PLCL2: variants seen among roughly 807,000 people sequenced by gnomAD.
The protein encoded by PLCL2 is inactive phospholipase C-like protein 2.
PLCL2 carries 4 observed loss-of-function variants against 79.6 expected under a neutral mutation model. That is an observed-to-expected ratio of 0.05 (90% CI 0.02 to 0.11). PLCL2 has a LOEUF of 0.11. Among genes scored for constraint, PLCL2 ranks in the 10% least tolerant of loss-of-function variants. The probability of loss-of-function intolerance (pLI) is 1.00; values close to 1 mark genes in which losing one functional copy is unlikely to be tolerated. For missense variants in PLCL2, 895 were observed against 1,291.0 expected (o/e 0.69, Z 4.70); for synonymous variants, 484 against 457.7 (o/e 1.06, Z -0.73).
In PLCL2 at chr3:17,042,950, G is replaced by A; in HGVS notation, c.3094+1G>A. The A allele has an allele frequency of 6.3e-7, 1 of 1,598,440 alleles. No individual in the cohort carries two copies. The highest frequency in any genetic ancestry group is 8.6e-7 in the Non-Finnish European group (1 of 1,165,904). On this transcript the variant is annotated splice_donor_variant, in intron 4 of 5. Coordinates refer to ENST00000615277, the MANE Select transcript of PLCL2 (RefSeq NM_001144382.2). LOFTEE classifies it high-confidence loss of function. Reference sequence around the variant, plus strand: ...AAGATCGTACATTGTCAGAAGGCAGGTAAGTGAAAGTTTGTTTCCTCTCTT... The same window carrying A: ...AAGATCGTACATTGTCAGAAGGCAGATAAGTGAAAGTTTGTTTCCTCTCTT...
chr3:16,943,698 G>C (rs1464915999), intron 1 of PLCL2, among the ~76,000 whole-genome samples: 2 of 152,122 alleles, frequency 1.3e-5, no homozygotes, highest in Non-Finnish European at 2.9e-5. Flanking sequence ...AAATATAACA[G>C]ATATCCATCC....
intron 5 of PLCL2, among the ~76,000 whole-genome samples, chr3:17,078,024 C>T (rs555539600): frequency 6.6e-6 from 1 of 152,190 alleles, no homozygotes; most frequent in South Asian, 2.1e-4. Flanking sequence ...TTTACCATAT[C>T]CTCTAAGCAT....
At chr3:17,069,258 A>G (rs1360670166) in intron 5 of PLCL2, among the ~76,000 whole-genome samples, 1 of 152,186 alleles carries the variant, frequency 6.6e-6, no homozygotes, top group Non-Finnish European at 1.5e-5. Flanking sequence ...GTGCTCAGAA[A>G]TGGGATAGTA....
chr3:17,017,726 A>G (rs905460965), intron 3 of PLCL2, among the ~76,000 whole-genome samples: 10 of 152,328 alleles, frequency 6.6e-5, no homozygotes, highest in African/African-American at 2.4e-4. Flanking sequence ...CTACATGCCT[A>G]AAGTGTGTCT....
chr3:17,021,985 T>C (rs2064460282), intron 3 of PLCL2, among the ~76,000 whole-genome samples: 1 of 152,080 alleles, frequency 6.6e-6, no homozygotes, highest in Non-Finnish European at 1.5e-5. Context: ...AGTTCCTGGG[T>C]AGATTTCATT....
At chr3:16,971,856 T>G (rs946236143) in intron 1 of PLCL2, among the ~76,000 whole-genome samples, 11 of 152,326 alleles carry the variant, frequency 7.2e-5, no homozygotes, top group African/African-American at 2.2e-4. Flanking sequence ...TGTTTGTCTG[T>G]TATTGGTGTA....
intron 3 of PLCL2, among the ~76,000 whole-genome samples, chr3:17,036,403 C>T (rs1239518942): frequency 3.3e-5 from 5 of 152,152 alleles, no homozygotes; most frequent in Admixed American, 6.6e-5. Flanking sequence ...TTTTTCTGTA[C>T]TTGGAAGCTT....
chr3:16,912,588 C>G (rs1267728702), intron 1 of PLCL2, among the ~76,000 whole-genome samples: 1 of 152,192 alleles, frequency 6.6e-6, no homozygotes, highest in Non-Finnish European at 1.5e-5. Context: ...GGAACTGAGA[C>G]TGATTCAGTT....
At chr3:17,002,784 G>A (rs971204090) in intron 1 of PLCL2, among the ~76,000 whole-genome samples, 9 of 151,976 alleles carry the variant, frequency 5.9e-5, no homozygotes, top group Admixed American at 2.6e-4. Context: ...AAAAAAATAT[G>A]TATATACTCT....
chr3:16,895,778 A>G (rs2124917063), intron 1 of PLCL2, among the ~76,000 whole-genome samples: 1 of 152,328 alleles, frequency 6.6e-6, no homozygotes, highest in Middle Eastern at 3.4e-3. Context: ...GAAAGAACAG[A>G]AACAGCAGAT....
Position 16,941,554 on chromosome 3 carries a change from G to A in PLCL2, c.327+56188G>A, listed in dbSNP as rs116385858. On this transcript the variant is annotated intron_variant, in intron 1 of 5. Transcript: ENST00000615277. ...GCTGTGAAAATATCCATGCCAGTAAGACAAATGAGTATACTGCATGCTTTT... is the reference window on the plus strand; with the variant it reads ...GCTGTGAAAATATCCATGCCAGTAAAACAAATGAGTATACTGCATGCTTTT... Among the ~76,000 whole-genome samples the A allele has an allele frequency of 3.7e-3, 556 of 152,280 alleles. 4 individuals are homozygous for A. Among genetic ancestry groups the A allele is most frequent in the Non-Finnish European group, 6.2e-3 (423 of 68,014 alleles).
At chr3:16,917,912 A>G (rs1238224100) in intron 1 of PLCL2, among the ~76,000 whole-genome samples, 1 of 152,150 alleles carries the variant, frequency 6.6e-6, no homozygotes, top group Non-Finnish European at 1.5e-5. Flanking sequence ...GCAAAAGGGA[A>G]ACTCAGTCAT....
At chr3:17,049,217 TTAAAG>T (rs751250893) in intron 4 of PLCL2, among the ~76,000 whole-genome samples, 1 of 152,106 alleles carries the variant, frequency 6.6e-6, no homozygotes. Context: ...ATATGACAAT[TTAAAG>T]TAAAGGATCC....
At chr3:17,087,708 T>C (rs995055590) in intron 5 of PLCL2, among the ~76,000 whole-genome samples, 3 of 152,090 alleles carry the variant, frequency 2.0e-5, no homozygotes, top group Non-Finnish European at 4.4e-5. Flanking sequence ...ACCACTGTGG[T>C]GCGGGATGTG....
chr3:16,986,096 T>C (rs1312279069), intron 1 of PLCL2, among the ~76,000 whole-genome samples: 1 of 151,836 alleles, frequency 6.6e-6, no homozygotes, highest in East Asian at 1.9e-4. Context: ...CACAAGGAGC[T>C]GTAGGGGGAA....
chr3:17,068,147 C>T, intron 5 of PLCL2, 82 bp downstream of exon 5: 1 of 764,722 alleles, frequency 1.3e-6, no homozygotes, highest in Middle Eastern at 2.4e-4. Flanking sequence ...ACATTTCCTG[C>T]ATTGTACATG....
intron 1 of PLCL2, among the ~76,000 whole-genome samples, chr3:16,986,792 G>A (rs554043391): frequency 6.6e-6 from 1 of 152,110 alleles, no homozygotes; most frequent in Admixed American, 6.5e-5. Flanking sequence ...CCTAACAATT[G>A]ACCAAAAAGA....
chr3:17,030,608 G>A (rs1242160010), intron 3 of PLCL2, among the ~76,000 whole-genome samples: 1 of 152,194 alleles, frequency 6.6e-6, no homozygotes, highest in African/African-American at 2.4e-5. Flanking sequence ...GAACATGTGA[G>A]TTATGTGGTC....
chr3:17,058,341 A>G (rs1300072642), intron 4 of PLCL2, among the ~76,000 whole-genome samples: 2 of 152,164 alleles, frequency 1.3e-5, no homozygotes, highest in Non-Finnish European at 2.9e-5. Flanking sequence ...TAAGCAAACA[A>G]ATTTGGTGTT....
Sources: gnomAD v4.1 joint callset for allele counts (sites outside exome capture counted in the v4.1 genomes callset) on GRCh38, gnomAD v4.1.1 for gene constraint, MANE v1.5 for transcripts, NCBI Gene and HGNC (gene_info 2026-07-23, HGNC 2026-07-21) for gene names.